EGFR: variants seen among roughly 807,000 people sequenced by gnomAD.
EGFR encodes the protein epidermal growth factor receptor.
A neutral mutation model predicts 143.0 loss-of-function variants in EGFR; 58 were observed. The ratio of observed to expected loss-of-function variants is 0.41; its 90% CI spans 0.33 to 0.50. The LOEUF (loss-of-function observed/expected upper bound fraction) is 0.50, where lower values mean the gene tolerates loss of function less well. Ranked by LOEUF, EGFR falls within the 20% of genes least tolerant of loss-of-function variation. EGFR has a pLI of 0.39. For missense variants in EGFR, 1,307 were observed against 1,579.0 expected, an observed-to-expected ratio of 0.83 and a Z score of 2.92; for synonymous variants, 613 against 594.4, an observed-to-expected ratio of 1.03 and a Z score of -0.45.
At chr7:55,110,034 T>G in intron 1 of EGFR, 1 of 797,660 alleles carries the variant, frequency 1.3e-6, no homozygotes, top group Non-Finnish European at 1.5e-6. Context: ...TATGTTGTTA[T>G]GAGGCATCAC....
At chr7:55,103,721 G>A (rs1191044519) in intron 1 of EGFR, among the ~76,000 whole-genome samples, 6 of 152,190 alleles carry the variant, frequency 3.9e-5, no homozygotes, top group Non-Finnish European at 8.8e-5. Context: ...AGAGTCTGTA[G>A]AAATATGACC....
At chr7:55,139,580 A>T (rs555400182) in intron 1 of EGFR, among the ~76,000 whole-genome samples, 1 of 152,320 alleles carries the variant, frequency 6.6e-6, no homozygotes, top group African/African-American at 2.4e-5. Flanking sequence ...TACTTTAGTA[A>T]TTAACCCAGG....
At chr7:55,202,742 G>T (rs1461147676) in intron 27 of EGFR, 117 bp downstream of exon 27, 1 of 929,786 alleles carries the variant, frequency 1.1e-6, no homozygotes, top group East Asian at 2.6e-5. Flanking sequence ...GGGGGAAACA[G>T]TGGCAGATTT....
At chr7:55,143,795 A>G (rs1342632835) in intron 3 of EGFR, among the ~76,000 whole-genome samples, 1 of 152,198 alleles carries the variant, frequency 6.6e-6, no homozygotes, top group Non-Finnish European at 1.5e-5. Flanking sequence ...CTGAGCAGGA[A>G]TCGTGAATCT....
At chr7:55,178,486 G>T (rs1442564687) in intron 19 of EGFR, among the ~76,000 whole-genome samples, 1 of 152,202 alleles carries the variant, frequency 6.6e-6, no homozygotes, top group Non-Finnish European at 1.5e-5. Flanking sequence ...ACCCATTGGG[G>T]TGAGCAGTGG....
At chr7:55,093,876 C>T (rs982517984) in intron 1 of EGFR, among the ~76,000 whole-genome samples, 3 of 152,146 alleles carry the variant, frequency 2.0e-5, no homozygotes, top group Admixed American at 6.5e-5. Flanking sequence ...GCCAGCTGGT[C>T]CTGTCGTAAC....
Position 55,206,148 on chromosome 7 carries a change from G to A in EGFR, c.*531G>A, listed in dbSNP as rs1382600753. On this transcript the variant is annotated 3_prime_UTR_variant, in exon 28 of 28. Transcript: ENST00000275493. ...TGCAAAACACTAAAGATCCAAGAAG[G>A]CCTTCATGGCCCCAGCAGGCCGGAT... The A allele has an allele frequency of 1.0e-5, 3 of 289,208 alleles. No individual in the cohort carries two copies. Among genetic ancestry groups the A allele is most frequent in the East Asian group, 5.4e-5 (1 of 18,550 alleles). The allele number at this position is 289,208 out of a possible 1,614,324, so 17.9% of individuals were successfully genotyped here.
intron 1 of EGFR, among the ~76,000 whole-genome samples, chr7:55,091,608 C>T (rs115025977): frequency 3.3e-5 from 5 of 152,312 alleles, no homozygotes; most frequent in African/African-American, 9.6e-5. Flanking sequence ...CATGTCGAAG[C>T]TATTGGTGGA....
chr7:55,150,955 T>A (rs1377904598), intron 4 of EGFR, among the ~76,000 whole-genome samples: 1 of 152,208 alleles, frequency 6.6e-6, no homozygotes, highest in Non-Finnish European at 1.5e-5. Context: ...CGAGACACTC[T>A]AGCTGTGGCA....
At chr7:55,091,632 A>G (rs1478482034) in intron 1 of EGFR, among the ~76,000 whole-genome samples, 2 of 152,208 alleles carry the variant, frequency 1.3e-5, no homozygotes, top group Non-Finnish European at 2.9e-5. Flanking sequence ...AGTTCCATTA[A>G]TTGACAATAC....
intron 20 of EGFR, among the ~76,000 whole-genome samples, chr7:55,189,950 C>T (rs998017780): frequency 2.6e-5 from 4 of 152,158 alleles, no homozygotes; most frequent in Non-Finnish European, 4.4e-5. Context: ...ATTTAATAAA[C>T]AGAGGCCTTG....
chr7:55,084,811 A>G (rs1790661044), intron 1 of EGFR, among the ~76,000 whole-genome samples: 1 of 152,162 alleles, frequency 6.6e-6, no homozygotes, highest in South Asian at 2.1e-4. Context: ...AATTTGGCAT[A>G]TTGGATTTTG....
chr7:55,182,880 C>T (rs769920393), intron 20 of EGFR, among the ~76,000 whole-genome samples: 8 of 152,176 alleles, frequency 5.3e-5, no homozygotes, highest in East Asian at 3.8e-4. Context: ...TTGTGTGCCT[C>T]GGATGCCAGG....
intron 1 of EGFR, among the ~76,000 whole-genome samples, chr7:55,124,961 T>A (rs944181920): frequency 6.6e-5 from 10 of 152,232 alleles, no homozygotes; most frequent in Non-Finnish European, 1.3e-4. Flanking sequence ...CACCCTGCCA[T>A]CTCCCTGGTG....
intron 1 of EGFR, among the ~76,000 whole-genome samples, chr7:55,064,795 C>T (rs1789402629): frequency 6.6e-6 from 1 of 152,154 alleles, no homozygotes; most frequent in Non-Finnish European, 1.5e-5. Flanking sequence ...ATTTCAAAGT[C>T]TAAAACAAAG....
Position 55,181,485 on chromosome 7 carries a change from A to C in EGFR, c.2469+7A>C. 1 of 1,614,206 alleles carries C rather than the reference A, an allele frequency of 6.2e-7. No homozygotes were observed. The highest frequency in any genetic ancestry group is 8.5e-7 in the Non-Finnish European group (1 of 1,180,026). ...GTGTGTGCAGATCGCAAAGGTAATC[A>C]GGGAAGGGAGATACGGGGAGGGGAG... On this transcript the variant is annotated splice_region_variant and intron_variant, in intron 20 of 27. Transcript: ENST00000275493.
chr7:55,209,681 C>G lies in EGFR; in HGVS notation c.*4064C>G, dbSNP rs538448802. ...TGCCTCTTTCACCAGCCACACCTGC[C>G]ATACCAGGGGTACAGCTTTGTACTA... On this transcript the variant is annotated 3_prime_UTR_variant, in exon 28 of 28. Coordinates refer to ENST00000275493, the MANE Select transcript of EGFR (RefSeq NM_005228.5). The G allele has an allele frequency of 6.6e-6, 1 of 152,248 alleles. No individual in the cohort carries two copies. Among genetic ancestry groups the G allele is most frequent in the Non-Finnish European group, 1.5e-5 (1 of 68,056 alleles). 9.4% of individuals were successfully genotyped at this position (152,248 alleles called of 1,614,324 possible). A position where few individuals can be genotyped will look rare whatever the true frequency, so the allele number is the denominator to read the frequency against.
intron 12 of EGFR, 132 bp from the exon 13 acceptor site, chr7:55,161,367 C>A: frequency 7.8e-7 from 1 of 1,280,050 alleles, no homozygotes; most frequent in Non-Finnish European, 1.0e-6. Context: ...CCTCCTCCTT[C>A]AGGGGTAGCC....
At chr7:55,125,548 A>G (rs1793473703) in intron 1 of EGFR, among the ~76,000 whole-genome samples, 1 of 152,238 alleles carries the variant, frequency 6.6e-6, no homozygotes, top group Non-Finnish European at 1.5e-5. Flanking sequence ...ATTTCTTTGC[A>G]AGGGCTCTGC....
Sources: gnomAD v4.1 joint callset for allele counts (sites outside exome capture counted in the v4.1 genomes callset) on GRCh38, gnomAD v4.1.1 for gene constraint, MANE v1.5 for transcripts, NCBI Gene and HGNC (gene_info 2026-07-23, HGNC 2026-07-21) for gene names.